SRPRA: variants seen among roughly 807,000 people sequenced by gnomAD.
SRPRA encodes the protein SRP receptor subunit alpha.
SRPRA carries 30 observed loss-of-function variants against 61.1 expected under a neutral mutation model. The observed-to-expected ratio is 0.49, with a 90% confidence interval of 0.37 to 0.67. The LOEUF (loss-of-function observed/expected upper bound fraction) is 0.67. Among genes scored for constraint, SRPRA ranks in the 30% least tolerant of loss-of-function variants. The pLI is 0.00. For missense variants in SRPRA, 759 were observed against 828.4 expected (o/e 0.92, Z 1.03); for synonymous variants, 324 against 299.7 (o/e 1.08, Z -0.84).
At position 126,265,458 on chromosome 11, in the gene SRPRA, G is replaced by A; in HGVS notation, c.1139-18C>T. 1 of 1,604,962 alleles carries A rather than the reference G, an allele frequency of 6.2e-7. No homozygotes were observed. Among genetic ancestry groups the A allele is most frequent in the Non-Finnish European group, 8.5e-7 (1 of 1,174,984 alleles). On this transcript the variant is annotated intron_variant, in intron 9 of 13. Coordinates refer to ENST00000332118, the MANE Select transcript of SRPRA (RefSeq NM_003139.4). The surrounding 1 kb of genome is among the most constrained non-coding windows in gnomAD (Gnocchi z 6.3). Reference sequence around the variant, plus strand: ...AGTCACCGCTGAAAGGGGAGGTGGAGGAGGTTGCAGCTGTGAAACTCAAGG... The same window carrying A: ...AGTCACCGCTGAAAGGGGAGGTGGAAGAGGTTGCAGCTGTGAAACTCAAGG...
rs754220092 is a variant in SRPRA, at chr11:126,263,959, C to G, written c.1874G>C (p.Ser625Thr). The change falls in exon 14 of 14, where the codon AGC (serine) becomes ACC (threonine). Residue 625 changes from serine (S) to threonine (T), a missense_variant. Ser to Thr is a moderately conservative substitution (Grantham distance 58, BLOSUM62 1). Transcript: ENST00000332118. ...GTGQTYCDLR[S>T]LNAKAVVAAL... ...AGCCACCACAGCCTTGGCATTGAGG[C>G]TGCGTAGGTCACAGTAGGTCTGGCC... 14 of 1,614,084 alleles carry G rather than the reference C, an allele frequency of 8.7e-6. No homozygotes were observed. The South Asian group carries it at 1.4e-4, about 16-fold the overall frequency.
downstream of SRPRA, chr11:126,262,334 C>A: frequency 1.8e-3 from 779 of 421,714 alleles, no homozygotes; most frequent in East Asian, 2.4e-3. Context: ...GCCGCCTGTT[C>A]AAGTTCAAGA....
the SRPRA span, among the ~76,000 whole-genome samples, chr11:126,249,663 C>T: frequency 4.9e-4 from 63 of 128,014 alleles, no homozygotes; most frequent in Non-Finnish European, 4.7e-4. Context: ...CCTGGCGGGG[C>T]GGAGGTTGCA....
chr11:126,240,716 C>A, the SRPRA span: 2 of 1,418,420 alleles, frequency 1.4e-6, no homozygotes, highest in Non-Finnish European at 9.4e-7. Context: ...AAAACTGTAA[C>A]CTGAGTCAGA....
downstream of SRPRA, chr11:126,261,428 G>A (rs1950695530): frequency 2.5e-6 from 4 of 1,613,774 alleles, no homozygotes; most frequent in Non-Finnish European, 3.4e-6. Flanking sequence ...TATTTAGCAG[G>A]GATGGTGAGA....
In SRPRA at chr11:126,263,150, A is replaced by AG. The variant is rs1950737862; in HGVS notation, c.*765dup. The AG allele has an allele frequency of 6.6e-6, 1 of 152,498 alleles. No homozygotes were observed. The highest frequency in any genetic ancestry group is 6.6e-5 in the Admixed American group (1 of 15,266). The allele number at this position is 152,498 out of a possible 1,614,324, so 9.4% of individuals were successfully genotyped here. ...GACTGCTTAGGAGGTGAAGGATGGG[A>AG]GGGGAGGGGGTCATCATACATCCTT... On this transcript the variant is annotated 3_prime_UTR_variant, in exon 14 of 14. Transcript: ENST00000332118.
chr11:126,249,757 AAAAG>A, the SRPRA span, among the ~76,000 whole-genome samples: 90 of 151,216 alleles, frequency 6.0e-4, no homozygotes, highest in African/African-American at 2.1e-3. Flanking sequence ...AAAAAAAAGA[AAAAG>A]AAAAGGAGAT....
Position 126,265,586 on chromosome 11 carries a change from T to G in SRPRA, c.1139-146A>C. On this transcript the variant is annotated intron_variant, in intron 9 of 13. Coordinates refer to ENST00000332118, the MANE Select transcript of SRPRA (RefSeq NM_003139.4). The surrounding 1 kb of genome is among the most constrained non-coding windows in gnomAD (Gnocchi z 6.3). ...CAGAACAGACGCACATTACAAGGAC[T>G]AACTCACTGAATCCTCTCAATAACC... The G allele has an allele frequency of 8.3e-6, 10 of 1,199,732 alleles. No individual in the cohort carries two copies. Among genetic ancestry groups the G allele is most frequent in the Non-Finnish European group, 1.2e-5 (10 of 846,484 alleles). 74.3% of individuals were successfully genotyped at this position (1,199,732 alleles called of 1,614,324 possible). A position where few individuals can be genotyped will look rare whatever the true frequency, so the allele number is the denominator to read the frequency against.
chr11:126,245,910 T>C, the SRPRA span, among the ~76,000 whole-genome samples: 2 of 150,620 alleles, frequency 1.3e-5, no homozygotes, highest in South Asian at 4.2e-4. Flanking sequence ...GCAGGAGAAT[T>C]GCTTGAACCC....
chr11:126,251,055 G>T, the SRPRA span, among the ~76,000 whole-genome samples: 4 of 152,104 alleles, frequency 2.6e-5, no homozygotes, highest in Non-Finnish European at 4.4e-5. Context: ...TGATAATGCT[G>T]GTTCTATTTT....
At position 126,265,999 on chromosome 11, in the gene SRPRA, C is replaced by T; in HGVS notation, c.1015G>A (p.Glu339Lys). The T allele has an allele frequency of 6.2e-7, 1 of 1,614,192 alleles. No homozygotes were observed. Among genetic ancestry groups the T allele is most frequent in the South Asian group, 1.1e-5 (1 of 91,080 alleles). ...GSKSLSREDM[E>K]SVLDKMRDHL... is the part of the protein sequence containing the mutation. ...TCACGCATCTTGTCCAGCACAGATT[C>T]CATGTCTTCACGACTCAAGCTCTTT... Residue 339 changes from glutamate to lysine, a missense_variant, in exon 8 of 14, where the codon GAA becomes AAA. This residue lies in a region of SRPRA where 475 missense variants were observed against 462.5 expected (regional missense o/e 1.03). Transcript: ENST00000332118. This position sits in a 1 kb window ranked among gnomAD's most constrained non-coding sequence, Gnocchi z 6.3.
the SRPRA span, among the ~76,000 whole-genome samples, chr11:126,246,426 C>G: frequency 6.6e-6 from 1 of 152,292 alleles, no homozygotes; most frequent in East Asian, 1.9e-4. Flanking sequence ...CACTGGAACC[C>G]TGCACAAATC....
chr11:126,268,164 G>C lies in SRPRA; in HGVS notation c.118-78C>G, dbSNP rs1591540551. 3.1e-6 allele frequency: 4 copies of C among 1,285,846 alleles called. No homozygotes were observed. In the East Asian group the frequency reaches 9.3e-5, roughly 30 times the overall value. 79.7% of individuals were successfully genotyped at this position (1,285,846 alleles called of 1,614,324 possible). A position where few individuals can be genotyped will look rare whatever the true frequency, so the allele number is the denominator to read the frequency against. ...TGGGCCCTGGGTTTGGATAACCTTT[G>C]GGAAAGAGCCAAACATTTCCCCCAA... On this transcript the variant is annotated intron_variant, in intron 1 of 13. Transcript: ENST00000332118.
At position 126,267,321 on chromosome 11, in the gene SRPRA, C is replaced by G; in HGVS notation, c.380G>C (p.Ser127Thr). Residue 127 changes from serine (S) to threonine (T), a missense_variant, in exon 4 of 14, where the codon AGC becomes ACC. Physicochemically the swap from Ser to Thr is moderately conservative, Grantham distance 58 (BLOSUM62 1). Transcript: ENST00000332118. This position sits in a 1 kb window ranked among gnomAD's most constrained non-coding sequence, Gnocchi z 4.2. ...GGTAGTGGGAGCACGGATCTTACTG[C>G]TCTCCTCTGCTTCACTAAACAAAAA... Reference protein sequence around the residue: ...FLRLLREAEESSKIRAPTTMK... With the variant: ...FLRLLREAEETSKIRAPTTMK... 1.9e-6 allele frequency: 3 copies of G among 1,614,000 alleles called. No individual in the cohort carries two copies. Among genetic ancestry groups the G allele is most frequent in the Non-Finnish European group, 2.5e-6 (3 of 1,180,000 alleles).
In SRPRA at chr11:126,264,343, A is replaced by T; in HGVS notation, c.1689+33T>A. The T allele has an allele frequency of 1.2e-6, 2 of 1,612,690 alleles. No individual in the cohort carries two copies. The highest frequency in any genetic ancestry group is 1.7e-6 in the Non-Finnish European group (2 of 1,178,744). On this transcript the variant is annotated intron_variant, in intron 12 of 13. Transcript: ENST00000332118. The surrounding 1 kb of genome is among the most constrained non-coding windows in gnomAD (Gnocchi z 5.0). ...GAACCATCTAAATTGACCAAAGCTC[A>T]AGTTGTAAAGGGAACTGGGCCCACG...
the SRPRA span, chr11:126,250,382 C>T: frequency 0.13 from 85,707 of 662,148 alleles, 6,302 homozygotes; most frequent in Non-Finnish European, 0.15. The surrounding 1 kb of genome is among the most constrained non-coding windows in gnomAD (Gnocchi z 5.1). Flanking sequence ...TGAGCCACTG[C>T]GCCTGGCCTT....
chr11:126,251,673 AT>A, the SRPRA span, among the ~76,000 whole-genome samples: 777 of 145,972 alleles, frequency 5.3e-3, 5 homozygotes, highest in African/African-American at 0.018. Context: ...TTGGATACTT[AT>A]TTTTTTTATC....
the SRPRA span, among the ~76,000 whole-genome samples, chr11:126,254,739 T>C: frequency 1.3e-5 from 2 of 152,192 alleles, no homozygotes; most frequent in African/African-American, 2.4e-5. Flanking sequence ...GGCAGGAAGA[T>C]TAGTTGAGAC....
rs499205 is a variant in SRPRA, at chr11:126,264,724, A to T, written c.1526-185T>A. The stretch of plus-strand genomic sequence containing the variant: ...ATCACCAAACATATTCAGGAAAAGG[A>T]GGACAACAGGATGAAGGTGACCAAA... On this transcript the variant is annotated intron_variant, in intron 11 of 13. Transcript: ENST00000332118. This position sits in a 1 kb window ranked among gnomAD's most constrained non-coding sequence, Gnocchi z 5.0. 1.2e-6 allele frequency: 1 copy of T among 803,932 alleles called. No individual in the cohort carries two copies. Among genetic ancestry groups the T allele is most frequent in the South Asian group, 1.9e-5 (1 of 53,816 alleles). 49.8% of individuals were successfully genotyped at this position (803,932 alleles called of 1,614,324 possible). A position where few individuals can be genotyped will look rare whatever the true frequency, so the allele number is the denominator to read the frequency against.
Sources: gnomAD v4.1 joint callset for allele counts (sites outside exome capture counted in the v4.1 genomes callset) on GRCh38, gnomAD v4.1.1 for gene constraint, gnomAD v4.1.1 regional missense constraint, Gnocchi (gnomAD v3.1) non-coding constraint, MANE v1.5 for transcripts, NCBI Gene and HGNC (gene_info 2026-07-23, HGNC 2026-07-21) for gene names.